RMDN2: variants seen among roughly 807,000 people sequenced by gnomAD.
The protein encoded by RMDN2 is regulator of microtubule dynamics 2, also known as regulator of microtubule dynamics protein 2.
RMDN2 carries 61 observed loss-of-function variants against 52.8 expected under a neutral mutation model. The ratio of observed to expected loss-of-function variants is 1.16; its 90% confidence interval spans 0.94 to 1.43. RMDN2 has a LOEUF of 1.43. Ranked by LOEUF, RMDN2 falls within the 40% of genes most tolerant of loss-of-function variation. The probability of loss-of-function intolerance (pLI) is 0.00; values close to 1 mark genes in which losing one functional copy is unlikely to be tolerated. For missense variants in RMDN2, 592 were observed against 475.3 expected, an observed-to-expected ratio of 1.25 and a Z score of -2.28; for synonymous variants, 180 against 153.1, an observed-to-expected ratio of 1.18 and a Z score of -1.30.
rs762373559 is a variant in RMDN2, at chr2:37,929,478, C to A, written c.201C>A (p.Ile67=). 1.3e-6 allele frequency: 2 copies of A among 1,551,536 alleles called. No individual in the cohort carries two copies. Among genetic ancestry groups the A allele is most frequent in the Non-Finnish European group, 1.7e-6 (2 of 1,146,810 alleles). The change falls in exon 2 of 11, where the codon ATC becomes ATA. Residue 67 remains isoleucine, a synonymous_variant. Transcript: ENST00000354545. ...ATGATGACCAAGGAACAACAGTAAT[C>A]TTTCAAGAAAGGCAACTTCAGATAC... is the stretch of plus-strand genomic sequence containing the variant. ...EIHDDQGTTV[I]FQERQLQILE...
intron 10 of RMDN2, among the ~76,000 whole-genome samples, chr2:38,057,214 C>A (rs1681883660): frequency 6.6e-6 from 1 of 152,198 alleles, no homozygotes; most frequent in African/African-American, 2.4e-5. Context: ...CTGTAAGAGC[C>A]AGGTAGTAAA....
chr2:37,974,983 A>G, intron 3 of RMDN2: 2 of 486,682 alleles, frequency 4.1e-6, no homozygotes, highest in South Asian at 2.4e-5. Flanking sequence ...TGTCTGGATA[A>G]TATTAATTGG....
intron 2 of RMDN2, among the ~76,000 whole-genome samples, chr2:37,936,743 T>C (rs1017012946): frequency 3.9e-5 from 6 of 152,208 alleles, no homozygotes; most frequent in African/African-American, 1.4e-4. Context: ...TGGGGTTGTT[T>C]GCTTTTTTCT....
chr2:37,921,823 C>A (rs80259872), upstream of RMDN2, among the ~76,000 whole-genome samples: 359 of 152,242 alleles, frequency 2.4e-3, 11 homozygotes, highest in East Asian at 0.061. Context: ...GGTTTCCTCA[C>A]CTGTATGTTA....
At chr2:38,013,718 A>G (rs1360584459) in intron 10 of RMDN2, among the ~76,000 whole-genome samples, 1 of 152,228 alleles carries the variant, frequency 6.6e-6, no homozygotes, top group Admixed American at 6.5e-5. Context: ...ATTTGTATCC[A>G]TTCACTCTGC....
chr2:37,958,823 GT>G (rs1669824317), intron 2 of RMDN2, among the ~76,000 whole-genome samples: 1 of 150,802 alleles, frequency 6.6e-6, no homozygotes, highest in African/African-American at 2.5e-5. Flanking sequence ...TCAATACCTA[GT>G]TTATTGAGTG....
intron 10 of RMDN2, among the ~76,000 whole-genome samples, chr2:38,052,898 CT>C (rs1681684894): frequency 6.6e-6 from 1 of 152,188 alleles, no homozygotes; most frequent in Admixed American, 6.5e-5. Context: ...ATACACTAAC[CT>C]TGCTGTCCAC....
chr2:38,001,108 C>T (rs1193379240), intron 8 of RMDN2, among the ~76,000 whole-genome samples: 2 of 152,148 alleles, frequency 1.3e-5, no homozygotes, highest in African/African-American at 4.8e-5. Flanking sequence ...GAACTCTTGG[C>T]TGTGTCCTGA....
chr2:38,033,424 G>A (rs1010829506), intron 10 of RMDN2, among the ~76,000 whole-genome samples: 2 of 152,112 alleles, frequency 1.3e-5, no homozygotes, highest in African/African-American at 4.8e-5. Flanking sequence ...TGTTGGAAGG[G>A]GGATGAAAGT....
intron 7 of RMDN2, 82 bp from the exon 8 acceptor site, chr2:37,997,332 AAC>A (rs796386197): frequency 3.0e-5 from 25 of 836,470 alleles, no homozygotes; most frequent in African/African-American, 2.2e-4. Context: ...ATATACACAT[AAC>A]ACACACACGT....
chr2:37,927,962 A>G (rs983026346), intron 1 of RMDN2, among the ~76,000 whole-genome samples: 1 of 152,216 alleles, frequency 6.6e-6, no homozygotes, highest in African/African-American at 2.4e-5. Flanking sequence ...ATTAGGTGAA[A>G]AAAAATTTTT....
chr2:38,008,594 G>A (rs936840745), intron 10 of RMDN2, among the ~76,000 whole-genome samples: 2 of 152,112 alleles, frequency 1.3e-5, no homozygotes, highest in African/African-American at 4.8e-5. Context: ...TTGAGCCTAT[G>A]TGTGTCTCTG....
At chr2:37,978,249 C>T (rs897860257) in intron 4 of RMDN2, among the ~76,000 whole-genome samples, 1 of 143,234 alleles carries the variant, frequency 7.0e-6, no homozygotes, top group Non-Finnish European at 1.5e-5. Flanking sequence ...AGGGAGGTTG[C>T]AGTGAGTCGA....
upstream of RMDN2, among the ~76,000 whole-genome samples, chr2:37,924,454 C>T (rs1281057842): frequency 6.6e-6 from 1 of 152,242 alleles, no homozygotes; most frequent in Non-Finnish European, 1.5e-5. Flanking sequence ...CAACCTCTGC[C>T]TCCGGGTTCA....
At position 38,010,563 on chromosome 2, in the gene RMDN2, C is replaced by T. The variant is rs928160763; in HGVS notation, c.1179+6347C>T. On this transcript the variant is annotated intron_variant, in intron 10 of 10. Coordinates refer to ENST00000354545, the MANE Select transcript of RMDN2 (RefSeq NM_001170791.3). Reference sequence around the variant, plus strand: ...CCACTTGCTAAGACCATTGGAAAAGCGCAGTATTAGGGTGGGAGTGACCCG... The same window carrying T: ...CCACTTGCTAAGACCATTGGAAAAGTGCAGTATTAGGGTGGGAGTGACCCG... 3.3e-5 allele frequency among the ~76,000 whole-genome samples: 5 copies of T among 152,280 alleles called. No individual in the cohort carries two copies. The East Asian group carries it at 5.8e-4, about 18-fold the overall frequency.
At chr2:37,949,022 C>G (rs553436056) in intron 2 of RMDN2, among the ~76,000 whole-genome samples, 3 of 152,150 alleles carry the variant, frequency 2.0e-5, no homozygotes, top group African/African-American at 7.2e-5. Context: ...ACTTTATAAG[C>G]ATTACGTATT....
At chr2:37,996,601 G>GAAAAAAAAAAAAAAAAAAAAAAAAAA (rs1161536445) in intron 7 of RMDN2, among the ~76,000 whole-genome samples, 3 of 57,998 alleles carry the variant, frequency 5.2e-5, no homozygotes, top group Non-Finnish European at 9.2e-5. Context: ...AAAAAAAAAA[G>GAAAAAAAAAAAAAAAAAAAAAAAAAA]AAAAAAAAAA....
At chr2:38,040,030 G>C (rs1009617578) in intron 10 of RMDN2, among the ~76,000 whole-genome samples, 3 of 142,912 alleles carry the variant, frequency 2.1e-5, no homozygotes, top group African/African-American at 2.6e-5. Context: ...ACAGTATAAG[G>C]CCTGTGTCTA....
intron 10 of RMDN2, among the ~76,000 whole-genome samples, chr2:38,066,696 T>G (rs964510713): frequency 6.6e-6 from 1 of 152,224 alleles, no homozygotes; most frequent in African/African-American, 2.4e-5. Context: ...TTATACTCTG[T>G]TGGATTGATT....
Sources: allele counts gnomAD v4.1 joint callset (sites outside exome capture counted in the v4.1 genomes callset), GRCh38; gene constraint gnomAD v4.1.1; transcripts MANE v1.5; gene names NCBI Gene and HGNC (gene_info 2026-07-23, HGNC 2026-07-21).